GRIP1: variants seen among roughly 807,000 people sequenced by gnomAD.
GRIP1 encodes the protein glutamate receptor-interacting protein 1.
In GRIP1, 45 loss-of-function variants were observed where a neutral mutation model predicts 129.9. The ratio of observed to expected loss-of-function variants is 0.35; its 90% CI spans 0.27 to 0.44. The LOEUF (loss-of-function observed/expected upper bound fraction) is 0.44, where lower values mean the gene tolerates loss of function less well. Ranked by LOEUF, GRIP1 falls within the 20% of genes least tolerant of loss-of-function variation. The probability of loss-of-function intolerance (pLI) is 1.00; values close to 1 mark genes in which losing one functional copy is unlikely to be tolerated. For synonymous variants in GRIP1, 530 were observed against 520.8 expected, an observed-to-expected ratio of 1.02 and a Z score of -0.24; for missense variants, 1,196 against 1,396.8, an observed-to-expected ratio of 0.86 and a Z score of 2.29.
At chr12:66,819,678 C>CT (rs2039284557) in intron 1 of GRIP1, among the ~76,000 whole-genome samples, 1 of 152,178 alleles carries the variant, frequency 6.6e-6, no homozygotes, top group African/African-American at 2.4e-5. Flanking sequence ...AACATTCAAA[C>CT]TAAGAGTTCC....
intron 22 of GRIP1, among the ~76,000 whole-genome samples, chr12:66,372,600 G>A (rs1054438642): frequency 1.3e-5 from 2 of 152,106 alleles, no homozygotes; most frequent in African/African-American, 2.4e-5. Context: ...CATTTATTAT[G>A]TTATTATATT....
At chr12:66,928,849 C>T (rs1037935945) in intron 1 of GRIP1, among the ~76,000 whole-genome samples, 1 of 152,186 alleles carries the variant, frequency 6.6e-6, no homozygotes, top group Non-Finnish European at 1.5e-5. Context: ...GGAAGCTGCA[C>T]AATATCTGTC....
intron 1 of GRIP1, among the ~76,000 whole-genome samples, chr12:66,668,644 T>C (rs1245804248): frequency 6.6e-6 from 1 of 151,986 alleles, no homozygotes; most frequent in East Asian, 1.9e-4. Context: ...AAAGGCCGAG[T>C]GCAGGAATAG....
At chr12:66,701,846 CAT>C (rs1324218753) in intron 1 of GRIP1, among the ~76,000 whole-genome samples, 2 of 152,172 alleles carry the variant, frequency 1.3e-5, no homozygotes, top group Non-Finnish European at 2.9e-5. Flanking sequence ...TAGCTGAACC[CAT>C]TCAAACAGCC....
intron 1 of GRIP1, among the ~76,000 whole-genome samples, chr12:66,816,538 T>G (rs2039222035): frequency 6.6e-6 from 1 of 152,198 alleles, no homozygotes; most frequent in African/African-American, 2.4e-5. Context: ...CCATTAAAGA[T>G]TCAATAAATT....
At chr12:66,557,532 CGTGGATCATCCTCGAGA>C (rs2062376974) in intron 2 of GRIP1, among the ~76,000 whole-genome samples, 1 of 152,092 alleles carries the variant, frequency 6.6e-6, no homozygotes, top group African/African-American at 2.4e-5. Context: ...CTCCTCAGCA[CGTGGATCATCCTCGAGA>C]ATAGATCATA....
chr12:66,876,435 G>A lies in GRIP1; in HGVS notation c.58+192615C>T, dbSNP rs139087399. On this transcript the variant is annotated intron_variant, in intron 1 of 1. Transcript: ENST00000643019. ...AACTGAGGCTAAGAAAGGTTAACTAGCACACATTACTGGCCTAAACCTAGT... is the reference window on the plus strand; with the variant it reads ...AACTGAGGCTAAGAAAGGTTAACTAACACACATTACTGGCCTAAACCTAGT... 9.9e-5 allele frequency among the ~76,000 whole-genome samples: 15 copies of A among 152,128 alleles called. No homozygotes were observed. In the East Asian group the frequency reaches 2.9e-3, roughly 29 times the overall value.
At chr12:66,421,560 A>C (rs1048575226) in intron 14 of GRIP1, among the ~76,000 whole-genome samples, 3 of 152,014 alleles carry the variant, frequency 2.0e-5, no homozygotes, top group African/African-American at 4.8e-5. Context: ...ATCAATCAAT[A>C]AAGTTCTTTT....
intron 2 of GRIP1, among the ~76,000 whole-genome samples, chr12:66,582,177 C>T (rs1001392061): frequency 6.6e-6 from 1 of 151,272 alleles, no homozygotes; most frequent in African/African-American, 2.4e-5. Flanking sequence ...TCAATAGATG[C>T]AGAAAAGGCC....
rs2032272057 is a variant in GRIP1, at chr12:66,645,302, C to T, written c.55+33548G>A. Among the ~76,000 whole-genome samples, 5 of 152,182 alleles carry T rather than the reference C, an allele frequency of 3.3e-5. No individual in the cohort carries two copies. In the South Asian group the frequency reaches 1.0e-3, roughly 32 times the overall value. On this transcript the variant is annotated intron_variant, in intron 1 of 24. Coordinates refer to ENST00000359742, the MANE Select transcript of GRIP1 (RefSeq NM_001366722.1). Reference sequence around the variant, plus strand: ...CTTCTCATATCTCAACAGTCATTAACAGATTGGAAAACAGACCTTAGGTCG... The same window carrying T: ...CTTCTCATATCTCAACAGTCATTAATAGATTGGAAAACAGACCTTAGGTCG...
intron 1 of GRIP1, among the ~76,000 whole-genome samples, chr12:66,730,348 T>C (rs1434110715): frequency 6.6e-6 from 1 of 152,192 alleles, no homozygotes; most frequent in Admixed American, 6.5e-5. Flanking sequence ...AATTGTTTCA[T>C]AAATAGCTAT....
chr12:66,406,343 T>C lies in GRIP1; in HGVS notation c.1924A>G (p.Ile642Val), dbSNP rs771336335. 6.2e-7 allele frequency: 1 copy of C among 1,614,050 alleles called. No homozygotes were observed. The highest frequency in any genetic ancestry group is 8.5e-7 in the Non-Finnish European group (1 of 1,179,868). Residue 642 changes from isoleucine (I) to valine (V), a missense_variant, in exon 16 of 25, where the codon ATC becomes GTC. Physicochemically the swap from Ile to Val is conservative, Grantham distance 29. Coordinates refer to ENST00000359742, the MANE Select transcript of GRIP1 (RefSeq NM_001366722.1). ...ACCAGGTCTTCACATTGCTGGAGGA[T>C]CTGAACTGCATCTTCCATGGAACAG... ...DNCSMEDAVQ[I>V]LQQCEDLVKL... is the part of the protein sequence containing the mutation.
At chr12:66,371,411 G>A (rs1046899788) in intron 23 of GRIP1, among the ~76,000 whole-genome samples, 4 of 152,032 alleles carry the variant, frequency 2.6e-5, no homozygotes, top group African/African-American at 9.7e-5. Context: ...CACCCGCCTC[G>A]GCCTCCCAAA....
chr12:66,466,146 A>G (rs1283596654), intron 7 of GRIP1, among the ~76,000 whole-genome samples: 1 of 152,244 alleles, frequency 6.6e-6, no homozygotes, highest in African/African-American at 2.4e-5. Context: ...CTCAATGCCA[A>G]CATCAATTCC....
At position 66,527,684 on chromosome 12, in the gene GRIP1, AT is replaced by A. The variant is rs200612514; in HGVS notation, c.502+2146del. ...AAACTTAAAGTATAATAATAACAAA[AT>A]TAAAAAAAAATTTCTGACTGTGGAA... is the stretch of plus-strand genomic sequence containing the variant. On this transcript the variant is annotated intron_variant, in intron 5 of 24. Coordinates refer to ENST00000359742, the MANE Select transcript of GRIP1 (RefSeq NM_001366722.1). Among the ~76,000 whole-genome samples the A allele has an allele frequency of 5.3e-5, 8 of 152,234 alleles. No homozygotes were observed. In the South Asian group the frequency reaches 1.7e-3, roughly 32 times the overall value.
At chr12:66,382,476 G>GGA (rs894212381) in intron 19 of GRIP1, among the ~76,000 whole-genome samples, 1 of 152,008 alleles carries the variant, frequency 6.6e-6, no homozygotes, top group Non-Finnish European at 1.5e-5. Context: ...TGTAAAATGG[G>GGA]GATAACAATA....
intron 1 of GRIP1, among the ~76,000 whole-genome samples, chr12:66,862,127 A>G (rs1404541116): frequency 6.6e-6 from 1 of 152,082 alleles, no homozygotes; most frequent in African/African-American, 2.4e-5. Context: ...AATATATGTA[A>G]CTAGGTCCTG....
chr12:66,624,253 T>C (rs1203331647), intron 1 of GRIP1, among the ~76,000 whole-genome samples: 1 of 152,170 alleles, frequency 6.6e-6, no homozygotes, highest in Non-Finnish European at 1.5e-5. Flanking sequence ...AAGGTCTAGA[T>C]TATGTTGCAC....
intron 1 of GRIP1, among the ~76,000 whole-genome samples, chr12:66,817,206 A>G (rs967916814): frequency 1.1e-3 from 85 of 77,736 alleles, no homozygotes; most frequent in African/African-American, 7.2e-3. Flanking sequence ...CAGTATGCAC[A>G]CACACACACA....
Sources: allele counts gnomAD v4.1 joint callset (sites outside exome capture counted in the v4.1 genomes callset), GRCh38; gene constraint gnomAD v4.1.1; transcripts MANE v1.5; gene names NCBI Gene and HGNC (gene_info 2026-07-23, HGNC 2026-07-21).